XYLT1: variants seen among roughly 807,000 people sequenced by gnomAD.
XYLT1 encodes xylosyltransferase 1.
XYLT1 carries 36 observed loss-of-function variants against 91.3 expected under a neutral mutation model. The observed-to-expected ratio is 0.39, with a 90% CI of 0.30 to 0.52. The LOEUF is 0.52. XYLT1 is among the 20% of genes least tolerant of loss of function. The pLI, the probability that XYLT1 is intolerant of heterozygous loss-of-function variation, is 0.68. For missense variants in XYLT1, 1,242 were observed against 1,284.5 expected, an observed-to-expected ratio of 0.97 and a Z score of 0.51; for synonymous variants, 588 against 532.0, an observed-to-expected ratio of 1.11 and a Z score of -1.45.
intron 3 of XYLT1, among the ~76,000 whole-genome samples, chr16:17,213,882 G>C (rs1052641513): frequency 6.6e-6 from 1 of 152,154 alleles, no homozygotes; most frequent in Non-Finnish European, 1.5e-5. Flanking sequence ...CTCCCAAAGT[G>C]CTGGGATTAC....
chr16:17,270,955 C>T (rs1324033752), intron 2 of XYLT1, among the ~76,000 whole-genome samples: 1 of 152,086 alleles, frequency 6.6e-6, no homozygotes, highest in Non-Finnish European at 1.5e-5. Context: ...CAAGGTCACT[C>T]GGTGGGTAAG....
intron 2 of XYLT1, among the ~76,000 whole-genome samples, chr16:17,287,732 C>T (rs1337170790): frequency 2.0e-5 from 3 of 152,126 alleles, no homozygotes; most frequent in Non-Finnish European, 2.9e-5. Flanking sequence ...GTCCCTAAGA[C>T]AGAAGTCAAG....
chr16:17,221,923 TG>T (rs2032975336), intron 3 of XYLT1, among the ~76,000 whole-genome samples: 1 of 152,182 alleles, frequency 6.6e-6, no homozygotes, highest in South Asian at 2.1e-4. Flanking sequence ...CTATGCAGCT[TG>T]AGCAGCTCTC....
intron 2 of XYLT1, among the ~76,000 whole-genome samples, chr16:17,273,873 T>C (rs1056844209): frequency 2.0e-5 from 3 of 150,702 alleles, no homozygotes; most frequent in African/African-American, 7.3e-5. Context: ...TGAGAAGTGC[T>C]AATGTTGTTG....
At chr16:17,401,319 C>A (rs2035966752) in intron 1 of XYLT1, among the ~76,000 whole-genome samples, 1 of 152,114 alleles carries the variant, frequency 6.6e-6, no homozygotes, top group Non-Finnish European at 1.5e-5. Context: ...GGAGAGTCTT[C>A]CAGAAAAGCC....
chr16:17,342,617 G>A (rs142795177), intron 2 of XYLT1, among the ~76,000 whole-genome samples: 240 of 152,214 alleles, frequency 1.6e-3, no homozygotes, highest in African/African-American at 5.4e-3. Context: ...AGCTACCCAG[G>A]AGGCTGAGGC....
intron 1 of XYLT1, among the ~76,000 whole-genome samples, chr16:17,358,271 C>A (rs1314223150): frequency 1.3e-5 from 2 of 151,932 alleles, no homozygotes; most frequent in African/African-American, 2.4e-5. Context: ...GTAGCTATGA[C>A]TACAGGCATG....
intron 5 of XYLT1, among the ~76,000 whole-genome samples, chr16:17,192,639 C>A (rs1460884702): frequency 6.6e-6 from 1 of 152,152 alleles, no homozygotes; most frequent in Non-Finnish European, 1.5e-5. Context: ...CAGCTGGAGC[C>A]TACGTGGACC....
At chr16:17,186,626 T>C (rs546748530) in intron 5 of XYLT1, among the ~76,000 whole-genome samples, 1 of 152,174 alleles carries the variant, frequency 6.6e-6, no homozygotes, top group South Asian at 2.1e-4. Context: ...GAGAATCACA[T>C]AGAACCTTGA....
In XYLT1 at chr16:17,259,243, C is replaced by T. The variant is rs142548093; in HGVS notation, c.658G>A (p.Gly220Arg). The T allele has an allele frequency of 6.0e-5, 97 of 1,613,982 alleles. 1 individual carries two copies. Among genetic ancestry groups the T allele is most frequent in the Non-Finnish European group, 7.5e-5 (88 of 1,179,996 alleles). ...GKGPGEVLPP[G>R]DRAAANSSHG... ...CTGCTGTTGGCTGCGGCTCTGTCCC[C>T]GGGAGGCAGCACCTCACCGGGGCCT... The change falls in exon 3 of 12, where the codon GGG (glycine) becomes AGG (arginine). Residue 220 changes from glycine to arginine, a missense_variant. Around this residue, in one of 3 missense-constraint regions of XYLT1, gnomAD observed 437 missense variants for 411.5 expected, o/e 1.06. Coordinates refer to ENST00000261381, the MANE Select transcript of XYLT1 (RefSeq NM_022166.4).
chr16:17,362,655 G>C (rs559120888), intron 1 of XYLT1, among the ~76,000 whole-genome samples: 12 of 152,318 alleles, frequency 7.9e-5, no homozygotes, highest in East Asian at 5.8e-4. Flanking sequence ...GAGAGGAGGA[G>C]GACTTTGTTC....
At chr16:17,297,954 G>A (rs1040286767) in intron 2 of XYLT1, among the ~76,000 whole-genome samples, 54 of 151,958 alleles carry the variant, frequency 3.6e-4, no homozygotes, top group Non-Finnish European at 7.1e-4. Flanking sequence ...CCGGGAGGTG[G>A]AGCTTGCAGT....
chr16:17,405,897 C>T (rs2036027272), intron 1 of XYLT1, among the ~76,000 whole-genome samples: 1 of 152,190 alleles, frequency 6.6e-6, no homozygotes, highest in Admixed American at 6.5e-5. Flanking sequence ...TAAGATTTCA[C>T]TATTCAGCTG....
intron 2 of XYLT1, among the ~76,000 whole-genome samples, chr16:17,323,551 C>T (rs73535320): frequency 0.018 from 2,749 of 152,264 alleles, 77 homozygotes; most frequent in African/African-American, 0.063. Context: ...AACAGAGAAG[C>T]GGTAAACAGC....
In XYLT1 at chr16:17,104,444, G is replaced by A. The variant is rs560736586; in HGVS notation, c.*4251C>T. The A allele has an allele frequency of 6.6e-6, 1 of 151,852 alleles. No homozygotes were observed. Among genetic ancestry groups the A allele is most frequent in the South Asian group, 2.1e-4 (1 of 4,824 alleles). The allele number at this position is 151,852 out of a possible 1,614,324, so 9.4% of individuals were successfully genotyped here. A position where few individuals can be genotyped will look rare whatever the true frequency, so the allele number is the denominator to read the frequency against. ...CCCCCTCTGTGGAATGGTCTCTTGA[G>A]GAGTGGAATGACTTAGCAAGAGGTC... On this transcript the variant is annotated 3_prime_UTR_variant, in exon 12 of 12. Transcript: ENST00000261381.
chr16:17,272,351 A>C (rs2033909915), intron 2 of XYLT1, among the ~76,000 whole-genome samples: 3 of 151,560 alleles, frequency 2.0e-5, no homozygotes, highest in Admixed American at 2.0e-4. Context: ...TTTAGTAGAG[A>C]CGCGGTTTCA....
intron 5 of XYLT1, among the ~76,000 whole-genome samples, chr16:17,186,681 T>A (rs990152398): frequency 1.3e-5 from 2 of 152,118 alleles, no homozygotes; most frequent in Non-Finnish European, 2.9e-5. Flanking sequence ...AAGCTCCTTG[T>A]GGCAGGGATG....
intron 6 of XYLT1, among the ~76,000 whole-genome samples, chr16:17,143,634 T>C (rs1304354573): frequency 1.3e-5 from 2 of 152,232 alleles, no homozygotes; most frequent in African/African-American, 4.8e-5. Context: ...CAGTGTTCCC[T>C]GAGTGAACTT....
intron 5 of XYLT1, among the ~76,000 whole-genome samples, chr16:17,165,698 A>G (rs2031664697): frequency 1.3e-5 from 2 of 152,166 alleles, no homozygotes; most frequent in Non-Finnish European, 2.9e-5. Flanking sequence ...GCCTCAAAAA[A>G]CAAACAAACA....
Sources: gnomAD v4.1 joint callset for allele counts (sites outside exome capture counted in the v4.1 genomes callset) on GRCh38, gnomAD v4.1.1 for gene constraint, gnomAD v4.1.1 regional missense constraint, MANE v1.5 for transcripts, NCBI Gene and HGNC (gene_info 2026-07-23, HGNC 2026-07-21) for gene names.